DPP6: variants seen among roughly 807,000 people sequenced by gnomAD.
DPP6 encodes the protein A-type potassium channel modulatory protein DPP6.
Under a neutral mutation model 122.6 loss-of-function variants are expected in DPP6, and 69 were observed. The observed-to-expected ratio is 0.56, with a 90% confidence interval of 0.46 to 0.69. The LOEUF is 0.69. Among genes scored for constraint, DPP6 ranks in the 30% least tolerant of loss-of-function variants. The pLI is 0.00. For synonymous variants in DPP6, 418 were observed against 433.1 expected (o/e 0.97, Z 0.43); for missense variants, 928 against 1,116.9 (o/e 0.83, Z 2.41).
intron 1 of DPP6, among the ~76,000 whole-genome samples, chr7:153,985,545 A>G: frequency 6.6e-6 from 1 of 152,074 alleles, no homozygotes; most frequent in East Asian, 1.9e-4. Flanking sequence ...CTACTTTTTT[A>G]TCTTGGTGTG....
At chr7:154,308,136 A>G (rs1349514536) in intron 1 of DPP6, among the ~76,000 whole-genome samples, 1 of 152,116 alleles carries the variant, frequency 6.6e-6, no homozygotes, top group Non-Finnish European at 1.5e-5. Flanking sequence ...CTTCTTAGCA[A>G]GTGAACAGAG....
intron 7 of DPP6, among the ~76,000 whole-genome samples, chr7:154,675,877 T>C (rs1838865598): frequency 6.6e-6 from 1 of 152,204 alleles, no homozygotes; most frequent in South Asian, 2.1e-4. Context: ...ATTCTTCTCA[T>C]TTTTCACCAA....
In DPP6 at chr7:154,218,620, A is replaced by G. The variant is rs117340531; in HGVS notation, c.243+165557A>G. On this transcript the variant is annotated intron_variant, in intron 1 of 25. Coordinates refer to ENST00000377770, the MANE Select transcript of DPP6 (RefSeq NM_130797.4). Reference sequence around the variant, plus strand: ...GGCAGTACAGTAAATTTTAAATTATATAGTCTGCAGCTTTGCACTAAGACA... The same window carrying G: ...GGCAGTACAGTAAATTTTAAATTATGTAGTCTGCAGCTTTGCACTAAGACA... Among the ~76,000 whole-genome samples the G allele has an allele frequency of 8.2e-3, 1,247 of 152,318 alleles. 5 individuals are homozygous for G. Among genetic ancestry groups the G allele is most frequent in the Non-Finnish European group, 0.014 (941 of 68,028 alleles).
chr7:153,758,694 T>G, the DPP6 span, among the ~76,000 whole-genome samples: 4 of 152,108 alleles, frequency 2.6e-5, no homozygotes, highest in Admixed American at 2.0e-4. Context: ...TGTTGCAGCA[T>G]GTATCAATAG....
chr7:154,575,364 GA>G (rs1831530651), intron 5 of DPP6, among the ~76,000 whole-genome samples: 2 of 59,542 alleles, frequency 3.4e-5, no homozygotes, highest in African/African-American at 6.4e-5. Context: ...GTGTGTGTGT[GA>G]TGTGTGTGTA....
At chr7:154,448,865 C>G (rs938607823) in intron 2 of DPP6, among the ~76,000 whole-genome samples, 1 of 152,080 alleles carries the variant, frequency 6.6e-6, no homozygotes, top group Admixed American at 6.5e-5. Flanking sequence ...TAGATATTCA[C>G]CTGCAAAAGA....
intron 1 of DPP6, among the ~76,000 whole-genome samples, chr7:154,192,706 TG>T (rs1195496525): frequency 2.0e-5 from 3 of 152,250 alleles, no homozygotes; most frequent in African/African-American, 7.2e-5. Context: ...ATGGGTCAAA[TG>T]AATTCTAAGT....
chr7:154,569,683 T>C (rs1830988672), intron 5 of DPP6, among the ~76,000 whole-genome samples: 1 of 151,682 alleles, frequency 6.6e-6, no homozygotes, highest in African/African-American at 2.4e-5. Context: ...TATTTCAGTA[T>C]ATGTTTCATT....
chr7:154,124,905 G>A (rs1260804946), intron 1 of DPP6, among the ~76,000 whole-genome samples: 4 of 152,152 alleles, frequency 2.6e-5, no homozygotes, highest in East Asian at 1.9e-4. Flanking sequence ...ATTATGTTCC[G>A]AACCTGGAAA....
chr7:154,493,807 A>G (rs775970900), intron 3 of DPP6, among the ~76,000 whole-genome samples: 7 of 152,168 alleles, frequency 4.6e-5, no homozygotes, highest in Non-Finnish European at 1.0e-4. Context: ...ACCTCTGTAT[A>G]CGGATGCAGG....
the DPP6 span, among the ~76,000 whole-genome samples, chr7:153,775,278 A>G: frequency 6.9e-6 from 1 of 145,606 alleles, no homozygotes; most frequent in African/African-American, 2.5e-5. Context: ...ACATTAGTAG[A>G]GCAAACAAGA....
chr7:154,789,134 C>T (rs113013799), intron 10 of DPP6, among the ~76,000 whole-genome samples: 25 of 152,328 alleles, frequency 1.6e-4, no homozygotes, highest in Middle Eastern at 3.4e-3. Context: ...ACCTTTGACT[C>T]TGTGTTCTGA....
chr7:154,812,248 A>G (rs1222470200), intron 16 of DPP6, among the ~76,000 whole-genome samples: 2 of 152,214 alleles, frequency 1.3e-5, no homozygotes, highest in Non-Finnish European at 1.5e-5. Flanking sequence ...AGACTTCAAC[A>G]TTCTTCCTGC....
At chr7:154,373,269 T>C (rs1812831248) in intron 1 of DPP6, among the ~76,000 whole-genome samples, 1 of 152,190 alleles carries the variant, frequency 6.6e-6, no homozygotes, top group Non-Finnish European at 1.5e-5. Flanking sequence ...TTCATTTTTC[T>C]GTAAGGGCCA....
At chr7:153,908,908 C>A (rs934644882) in intron 1 of DPP6, among the ~76,000 whole-genome samples, 7 of 152,042 alleles carry the variant, frequency 4.6e-5, no homozygotes, top group Non-Finnish European at 1.0e-4. Context: ...CACGTGCCAC[C>A]ATGCCGGGCT....
intron 7 of DPP6, among the ~76,000 whole-genome samples, chr7:154,672,782 C>G (rs1838646140): frequency 6.6e-6 from 1 of 152,136 alleles, no homozygotes. Context: ...GGAGCAGGGG[C>G]CGCCTTCTTC....
chr7:154,662,109 CATATT>C (rs1444846027), intron 6 of DPP6, among the ~76,000 whole-genome samples: 4 of 149,408 alleles, frequency 2.7e-5, no homozygotes, highest in African/African-American at 5.0e-5. Context: ...ATCACCATGG[CATATT>C]GGCGCTAGTA....
At chr7:154,515,622 C>T (rs950438563) in intron 3 of DPP6, among the ~76,000 whole-genome samples, 3 of 152,072 alleles carry the variant, frequency 2.0e-5, no homozygotes, top group African/African-American at 7.2e-5. Flanking sequence ...ACTACAGGCA[C>T]GTGCTACCAT....
chr7:154,344,142 C>T (rs976049994), intron 1 of DPP6, among the ~76,000 whole-genome samples: 8 of 152,216 alleles, frequency 5.3e-5, no homozygotes, highest in African/African-American at 1.4e-4. Flanking sequence ...CCTCTCTTAT[C>T]TGCAGTCATT....
Sources: gnomAD v4.1 joint callset for allele counts (sites outside exome capture counted in the v4.1 genomes callset) on GRCh38, gnomAD v4.1.1 for gene constraint, MANE v1.5 for transcripts, NCBI Gene and HGNC (gene_info 2026-07-23, HGNC 2026-07-21) for gene names.